PDE8B: variants seen among roughly 807,000 people sequenced by gnomAD.
PDE8B encodes the protein phosphodiesterase 8B, also known as high affinity cAMP-specific and IBMX-insensitive 3',5'-cyclic phosphodiesterase 8B.
Under a neutral mutation model 101.3 loss-of-function variants are expected in PDE8B, and 26 were observed. The ratio of observed to expected loss-of-function variants is 0.26; its 90% CI spans 0.19 to 0.36. The LOEUF (loss-of-function observed/expected upper bound fraction) is 0.36. PDE8B is among the 10% of genes least tolerant of loss of function. PDE8B has a pLI of 1.00. For synonymous variants in PDE8B, 424 were observed against 429.3 expected, an observed-to-expected ratio of 0.99 and a Z score of 0.15; for missense variants, 810 against 1,163.1, an observed-to-expected ratio of 0.70 and a Z score of 4.42.
At position 77,362,556 on chromosome 5, in the gene PDE8B, A is replaced by C. The variant is rs563149476; in HGVS notation, c.1167+9150A>C. 2.6e-5 allele frequency among the ~76,000 whole-genome samples: 4 copies of C among 152,348 alleles called. No homozygotes were observed. In the East Asian group the frequency reaches 5.8e-4, roughly 22 times the overall value. ...TTGCTTTTTCAGCAAGCTGGTGGTT[A>C]AACTCTTAGCAGCATACTGTTGACT... is the stretch of plus-strand genomic sequence containing the variant. On this transcript the variant is annotated intron_variant, in intron 10 of 21. Transcript: ENST00000264917.
chr5:77,200,405 C>T, the PDE8B span, among the ~76,000 whole-genome samples: 1 of 152,162 alleles, frequency 6.6e-6, no homozygotes, highest in South Asian at 2.1e-4. Flanking sequence ...GCCTCTCCTT[C>T]CCCTAGCCCC....
chr5:77,253,491 C>T (rs1171312813), intron 1 of PDE8B, among the ~76,000 whole-genome samples: 1 of 152,174 alleles, frequency 6.6e-6, no homozygotes, highest in Non-Finnish European at 1.5e-5. Flanking sequence ...TTGTATTCTG[C>T]TTCTTAGAAG....
At chr5:77,398,328 T>TC (rs1791518953) in intron 10 of PDE8B, among the ~76,000 whole-genome samples, 1 of 92,640 alleles carries the variant, frequency 1.1e-5, no homozygotes, top group Non-Finnish European at 3.0e-5. Flanking sequence ...CTTTTTTTTT[T>TC]TTTTTTTTTT....
chr5:77,291,251 G>A, intron 1 of PDE8B: 30 of 1,612,506 alleles, frequency 1.9e-5, no homozygotes, highest in Non-Finnish European at 2.5e-5. Context: ...CCTACGCACA[G>A]ATCCGAGTTG....
At chr5:77,383,140 T>A (rs1338934095) in intron 10 of PDE8B, among the ~76,000 whole-genome samples, 1 of 152,272 alleles carries the variant, frequency 6.6e-6, no homozygotes, top group Non-Finnish European at 1.5e-5. Flanking sequence ...CTAACTGGCA[T>A]GAGATGATAT....
chr5:77,212,693 C>T (rs1561353032), intron 1 of PDE8B, among the ~76,000 whole-genome samples: 1 of 152,094 alleles, frequency 6.6e-6, no homozygotes, highest in African/African-American at 2.4e-5. Flanking sequence ...TACCAGTTGC[C>T]CATTCGTTAC....
chr5:77,231,598 C>G (rs937619106), intron 1 of PDE8B, among the ~76,000 whole-genome samples: 1 of 152,144 alleles, frequency 6.6e-6, no homozygotes, highest in Non-Finnish European at 1.5e-5. Context: ...CGTGTTAATT[C>G]AGAATTGATT....
intron 1 of PDE8B, among the ~76,000 whole-genome samples, chr5:77,283,790 G>A (rs1765483462): frequency 6.6e-6 from 1 of 152,182 alleles, no homozygotes; most frequent in South Asian, 2.1e-4. Context: ...TAAAGCTGCT[G>A]TAAACATCTG....
At chr5:77,135,473 A>ATTTTTTTTTTTTTTTTTT in the PDE8B span, among the ~76,000 whole-genome samples, 1 of 121,534 alleles carries the variant, frequency 8.2e-6, no homozygotes, top group Non-Finnish European at 1.7e-5. Context: ...AGCCAGAGGA[A>ATTTTTTTTTTTTTTTTTT]TTTTTTTTTT....
At chr5:77,287,892 G>T (rs1766384133) in intron 1 of PDE8B, among the ~76,000 whole-genome samples, 1 of 152,136 alleles carries the variant, frequency 6.6e-6, no homozygotes, top group Non-Finnish European at 1.5e-5. Flanking sequence ...GTCTGTGTGT[G>T]TAACCCTAGT....
Position 77,240,298 on chromosome 5 carries a change from C to A in PDE8B, c.339+29034C>A, listed in dbSNP as rs940193691. ...CCTTCCGAGTAGCTGGGACTACAGA[C>A]GCCCGCCACCGCGCCCGGCTACTTT... is the stretch of plus-strand genomic sequence containing the variant. On this transcript the variant is annotated intron_variant, in intron 1 of 21. Coordinates refer to ENST00000264917, the MANE Select transcript of PDE8B (RefSeq NM_003719.5). Among the ~76,000 whole-genome samples the A allele has an allele frequency of 2.0e-5, 3 of 152,148 alleles. No individual in the cohort carries two copies. In the East Asian group the frequency reaches 5.8e-4, roughly 29 times the overall value.
intron 1 of PDE8B, among the ~76,000 whole-genome samples, chr5:77,310,942 G>A (rs1170245581): frequency 6.6e-6 from 1 of 152,180 alleles, no homozygotes; most frequent in Non-Finnish European, 1.5e-5. Flanking sequence ...TTATGGTCTT[G>A]CAAAGTATAA....
intron 1 of PDE8B, among the ~76,000 whole-genome samples, chr5:77,235,747 G>A (rs1754533858): frequency 6.6e-6 from 1 of 150,432 alleles, no homozygotes; most frequent in Non-Finnish European, 1.5e-5. Flanking sequence ...TATTTGTTTG[G>A]CAGATATTGA....
intron 1 of PDE8B, among the ~76,000 whole-genome samples, chr5:77,273,166 A>C (rs1763129874): frequency 6.6e-6 from 1 of 152,210 alleles, no homozygotes; most frequent in Non-Finnish European, 1.5e-5. Flanking sequence ...TGCTGCACTG[A>C]AGCCCTTGTC....
chr5:77,108,503 C>T, the PDE8B span, among the ~76,000 whole-genome samples: 1 of 152,046 alleles, frequency 6.6e-6, no homozygotes, highest in Non-Finnish European at 1.5e-5. Context: ...GGCAGCATGG[C>T]GAAACCCCGT....
chr5:77,344,919 C>A lies in PDE8B; in HGVS notation c.864C>A (p.Asp288Glu). The A allele has an allele frequency of 6.2e-7, 1 of 1,606,310 alleles. No individual in the cohort carries two copies. Among genetic ancestry groups the A allele is most frequent in the Non-Finnish European group, 8.5e-7 (1 of 1,172,900 alleles). The change falls in exon 7 of 22, where the codon GAC (aspartate) becomes GAA (glutamate). Residue 288 changes from aspartate (D) to glutamate (E), a missense_variant. This residue lies in a region of PDE8B where 251 missense variants were observed against 378.8 expected (regional missense o/e 0.66). Transcript: ENST00000264917. ...AAGCCATAGAAATAACAAGCGATGA[C>A]CACGTGATTCAGGTATGGAAAGAAA... ...CHEAIEITSD[D>E]HVIQYVNPAF...
At chr5:77,160,760 C>T in the PDE8B span, among the ~76,000 whole-genome samples, 2 of 152,170 alleles carry the variant, frequency 1.3e-5, no homozygotes, top group South Asian at 4.2e-4. Context: ...AAGTGATCCT[C>T]CCACCTCAGC....
chr5:77,252,218 T>C (rs1474498505), intron 1 of PDE8B, among the ~76,000 whole-genome samples: 3 of 152,224 alleles, frequency 2.0e-5, no homozygotes, highest in African/African-American at 7.2e-5. Context: ...TTTCCCAGAG[T>C]TGTAGCCTTT....
rs146472201 is a variant in PDE8B at position 77,354,861 on chromosome 5, C to T, written c.1167+1455C>T. On this transcript the variant is annotated intron_variant, in intron 10 of 21. Coordinates refer to ENST00000264917, the MANE Select transcript of PDE8B (RefSeq NM_003719.5). Reference sequence around the variant, plus strand: ...CCTACCAGTCCTTCATGACCCAGTGCAAGAAACATTAAGTATCACCTTCTT... The same window carrying T: ...CCTACCAGTCCTTCATGACCCAGTGTAAGAAACATTAAGTATCACCTTCTT... Among the ~76,000 whole-genome samples, 13 of 152,344 alleles carry T rather than the reference C, an allele frequency of 8.5e-5. No homozygotes were observed. In the East Asian group the frequency reaches 1.2e-3, roughly 14 times the overall value.
Sources: allele counts gnomAD v4.1 joint callset (sites outside exome capture counted in the v4.1 genomes callset), GRCh38; gene constraint gnomAD v4.1.1; regional missense constraint gnomAD v4.1.1; transcripts MANE v1.5; gene names NCBI Gene and HGNC (gene_info 2026-07-23, HGNC 2026-07-21).